Variants in GALNT13 observed in about 807,000 individuals in gnomAD.
GALNT13 encodes the protein UDP-GalNAc:polypeptide N-acetylgalactosaminyltransferase 13.
Under a neutral mutation model 64.2 loss-of-function variants are expected in GALNT13, and 28 were observed. The ratio of observed to expected loss-of-function variants is 0.44; its 90% CI spans 0.32 to 0.60. The LOEUF is 0.60. Ranked by LOEUF, GALNT13 falls within the 20% of genes least tolerant of loss-of-function variation. The pLI, the probability that GALNT13 is intolerant of heterozygous loss-of-function variation, is 0.05. For synonymous variants in GALNT13, 214 were observed against 224.6 expected (o/e 0.95, Z 0.42); for missense variants, 577 against 669.8 (o/e 0.86, Z 1.53).
the GALNT13 span, among the ~76,000 whole-genome samples, chr2:153,727,464 TC>T: frequency 2.6e-5 from 4 of 152,192 alleles, no homozygotes; most frequent in Non-Finnish European, 5.9e-5. Flanking sequence ...TGTACACATT[TC>T]TGTTAGAATT....
chr2:153,705,330 G>C, the GALNT13 span, among the ~76,000 whole-genome samples: 1 of 150,774 alleles, frequency 6.6e-6, no homozygotes, highest in Non-Finnish European at 1.5e-5. Context: ...TTTAATGAGA[G>C]ACATAACAGC....
At chr2:153,891,684 G>A (rs73005966) in intron 1 of GALNT13, among the ~76,000 whole-genome samples, 11,825 of 151,966 alleles carry the variant, frequency 0.078, 777 homozygotes, top group African/African-American at 0.17. Context: ...CCTCATCATT[G>A]GTTTGTTAAA....
chr2:153,403,921 A>G, the GALNT13 span, among the ~76,000 whole-genome samples: 2 of 152,168 alleles, frequency 1.3e-5, no homozygotes, highest in Admixed American at 6.5e-5. Flanking sequence ...TGTAGACCGG[A>G]GCTGTTCCTA....
chr2:154,211,313 A>G (rs116374807), intron 4 of GALNT13, among the ~76,000 whole-genome samples: 2,634 of 152,124 alleles, frequency 0.017, 76 homozygotes, highest in African/African-American at 0.06. Flanking sequence ...TTGTGTATCT[A>G]AACATATCTA....
At chr2:154,329,962 G>A (rs1017928387) in intron 9 of GALNT13, among the ~76,000 whole-genome samples, 2 of 152,018 alleles carry the variant, frequency 1.3e-5, no homozygotes, top group East Asian at 3.9e-4. Flanking sequence ...CATGAGCCAA[G>A]TAAACCTCTT....
chr2:153,258,536 A>T, the GALNT13 span, among the ~76,000 whole-genome samples: 3 of 152,290 alleles, frequency 2.0e-5, no homozygotes, highest in East Asian at 5.8e-4. Context: ...GTTCTTTAAT[A>T]TGCATCATTA....
chr2:153,803,244 A>G, the GALNT13 span, among the ~76,000 whole-genome samples: 1 of 152,168 alleles, frequency 6.6e-6, no homozygotes, highest in South Asian at 2.1e-4. Context: ...CAGTATATTA[A>G]TGCTACAGAC....
At chr2:154,220,558 A>G (rs1688271546) in intron 4 of GALNT13, among the ~76,000 whole-genome samples, 1 of 151,880 alleles carries the variant, frequency 6.6e-6, no homozygotes, top group Admixed American at 6.6e-5. Context: ...ATACACACAT[A>G]TTTCTGAAGA....
chr2:154,409,031 G>C lies in GALNT13; in HGVS notation c.1344G>C (p.Lys448Asn). ...TNQCLDNMGR[K>N]ENEKVGIFNC... ...AGTGTTTAGACAACATGGGCCGCAA[G>C]GAAAATGAAAAAGTGGGTATATTCA... The change falls in exon 11 of 13, where the codon AAG (lysine) becomes AAC (asparagine). Residue 448 changes from lysine to asparagine, a missense_variant. Lys to Asn is a moderately conservative substitution (Grantham distance 94). Around this residue, in one of 3 missense-constraint regions of GALNT13, gnomAD observed 232 missense variants for 270.6 expected, o/e 0.86. Coordinates refer to ENST00000392825, the MANE Select transcript of GALNT13 (RefSeq NM_052917.4). The C allele has an allele frequency of 6.2e-7, 1 of 1,611,566 alleles. No homozygotes were observed. Among genetic ancestry groups the C allele is most frequent in the Non-Finnish European group, 8.5e-7 (1 of 1,178,322 alleles).
the GALNT13 span, among the ~76,000 whole-genome samples, chr2:153,494,911 C>G: frequency 6.6e-6 from 1 of 151,932 alleles, no homozygotes; most frequent in Non-Finnish European, 1.5e-5. Flanking sequence ...AATGAACAAA[C>G]TATTTGAATA....
At chr2:153,357,680 G>A in the GALNT13 span, among the ~76,000 whole-genome samples, 5 of 152,026 alleles carry the variant, frequency 3.3e-5, no homozygotes, top group Admixed American at 3.3e-4. Context: ...GCTGTACATA[G>A]TCACTCCAAG....
chr2:153,391,689 A>T, the GALNT13 span, among the ~76,000 whole-genome samples: 264 of 152,094 alleles, frequency 1.7e-3, 1 homozygote, highest in African/African-American at 6.0e-3. Flanking sequence ...TAGAGTATGA[A>T]CTTGATGCTA....
At chr2:154,150,076 G>A (rs998694312) in intron 4 of GALNT13, among the ~76,000 whole-genome samples, 4 of 152,132 alleles carry the variant, frequency 2.6e-5, no homozygotes, top group Non-Finnish European at 5.9e-5. Context: ...GTCATAGATA[G>A]CTCTTATTAT....
the GALNT13 span, among the ~76,000 whole-genome samples, chr2:153,640,541 G>C: frequency 6.6e-6 from 1 of 152,128 alleles, no homozygotes; most frequent in African/African-American, 2.4e-5. Flanking sequence ...CACTTTGGAA[G>C]GGTGAGGTGG....
the GALNT13 span, among the ~76,000 whole-genome samples, chr2:153,561,669 G>T: frequency 7.2e-6 from 1 of 138,704 alleles, no homozygotes; most frequent in Non-Finnish European, 1.6e-5. Context: ...GTGTGTGTGT[G>T]GTGTGTATTA....
the GALNT13 span, among the ~76,000 whole-genome samples, chr2:153,710,298 C>T: frequency 6.6e-5 from 10 of 152,012 alleles, no homozygotes; most frequent in Admixed American, 4.6e-4. Flanking sequence ...ACTTTTAAAA[C>T]ATGAAACTAC....
the GALNT13 span, among the ~76,000 whole-genome samples, chr2:153,521,535 AC>A: frequency 1.3e-5 from 2 of 152,150 alleles, no homozygotes; most frequent in African/African-American, 4.8e-5. Context: ...ACCCACAATG[AC>A]ACATCATTAT....
At chr2:153,468,413 T>G in the GALNT13 span, among the ~76,000 whole-genome samples, 1 of 152,076 alleles carries the variant, frequency 6.6e-6, no homozygotes, top group Non-Finnish European at 1.5e-5. Flanking sequence ...TTCAGTCAAA[T>G]TTAGTCTCTA....
At chr2:153,979,116 T>G (rs1694279101) in intron 3 of GALNT13, among the ~76,000 whole-genome samples, 1 of 152,274 alleles carries the variant, frequency 6.6e-6, no homozygotes. Context: ...TATTATTTGA[T>G]TATTTTAAAT....
Sources: gnomAD v4.1 joint callset for allele counts (sites outside exome capture counted in the v4.1 genomes callset) on GRCh38, gnomAD v4.1.1 for gene constraint, gnomAD v4.1.1 regional missense constraint, MANE v1.5 for transcripts, NCBI Gene and HGNC (gene_info 2026-07-23, HGNC 2026-07-21) for gene names.